SEMA3D: variants seen among roughly 807,000 people sequenced by gnomAD.
SEMA3D encodes semaphorin 3D, also known as semaphorin-3D.
Under a neutral mutation model 100.1 loss-of-function variants are expected in SEMA3D, and 84 were observed. The ratio of observed to expected loss-of-function variants is 0.84; its 90% CI spans 0.70 to 1.01. The LOEUF (loss-of-function observed/expected upper bound fraction) is 1.01. Ranked by LOEUF, SEMA3D falls within the 50% of genes least tolerant of loss-of-function variation. The pLI is 0.00. For synonymous variants in SEMA3D, 312 were observed against 320.7 expected (o/e 0.97, Z 0.29); for missense variants, 875 against 934.1 (o/e 0.94, Z 0.82).
chr7:85,085,698 C>T (rs996772380), intron 4 of SEMA3D, among the ~76,000 whole-genome samples: 1 of 152,122 alleles, frequency 6.6e-6, no homozygotes, highest in South Asian at 2.1e-4. Flanking sequence ...TACTGGCAGT[C>T]TCTACTTTTG....
At chr7:85,175,734 GCT>G (rs1791205952) in intron 1 of SEMA3D, among the ~76,000 whole-genome samples, 2 of 151,868 alleles carry the variant, frequency 1.3e-5, no homozygotes, top group Admixed American at 6.6e-5. Context: ...GAATAATCTG[GCT>G]ACTTTTATAA....
At chr7:85,089,344 A>G (rs557043249) in intron 4 of SEMA3D, among the ~76,000 whole-genome samples, 170 of 152,228 alleles carry the variant, frequency 1.1e-3, no homozygotes, top group Non-Finnish European at 1.5e-4. Context: ...AATACCTGTC[A>G]ATTTTATTAT....
chr7:85,137,149 C>T (rs192164010), intron 2 of SEMA3D, among the ~76,000 whole-genome samples: 38 of 151,950 alleles, frequency 2.5e-4, no homozygotes, highest in Non-Finnish European at 4.0e-4. Context: ...ATCTTATTTA[C>T]AGCAGAGTCA....
chr7:85,037,805 T>G (rs913584329), intron 11 of SEMA3D, among the ~76,000 whole-genome samples: 1 of 152,144 alleles, frequency 6.6e-6, no homozygotes, highest in Non-Finnish European at 1.5e-5. Context: ...CAGATGTCTT[T>G]TTTTGCTTTA....
chr7:85,172,011 GAC>G (rs1791097603), intron 1 of SEMA3D, among the ~76,000 whole-genome samples: 1 of 151,432 alleles, frequency 6.6e-6, no homozygotes, highest in South Asian at 2.1e-4. Flanking sequence ...TATAGAGAGA[GAC>G]ACACATACAT....
At chr7:85,143,847 A>C (rs1456412536) in intron 2 of SEMA3D, among the ~76,000 whole-genome samples, 1 of 151,620 alleles carries the variant, frequency 6.6e-6, no homozygotes, top group Non-Finnish European at 1.5e-5. Flanking sequence ...AGTAGCTGGG[A>C]CCACAGGCAT....
chr7:85,006,725 C>A lies in SEMA3D; in HGVS notation c.1908+77G>T, dbSNP rs1405470771. 5.1e-6 allele frequency: 6 copies of A among 1,186,994 alleles called. No individual in the cohort carries two copies. The East Asian group carries it at 1.5e-4, about 30-fold the overall frequency. 73.5% of individuals were successfully genotyped at this position (1,186,994 alleles called of 1,614,324 possible). A position where few individuals can be genotyped will look rare whatever the true frequency, so the allele number is the denominator to read the frequency against. ...ATCAAATAATGATGAGAGTAGCATA[C>A]AGAATTAAAAGTTGAACATCTCTCA... On this transcript the variant is annotated intron_variant, in intron 18 of 18. Transcript: ENST00000284136.
chr7:85,112,257 T>G (rs542531332), intron 3 of SEMA3D, among the ~76,000 whole-genome samples: 177 of 152,268 alleles, frequency 1.2e-3, no homozygotes, highest in African/African-American at 4.0e-3. Flanking sequence ...GAAAAAGATA[T>G]AGCCTTACTT....
intron 9 of SEMA3D, among the ~76,000 whole-genome samples, chr7:85,049,723 C>T (rs1791107805): frequency 6.6e-6 from 1 of 151,734 alleles, no homozygotes; most frequent in South Asian, 2.1e-4. Context: ...AAACACAAAT[C>T]TTCAAAGGCA....
intron 3 of SEMA3D, among the ~76,000 whole-genome samples, chr7:85,110,005 T>C (rs1405490121): frequency 6.6e-6 from 1 of 151,982 alleles, no homozygotes; most frequent in East Asian, 1.9e-4. Context: ...TCTAAAATTA[T>C]TTCCACATTT....
intron 1 of SEMA3D, among the ~76,000 whole-genome samples, chr7:85,180,664 C>T (rs908540861): frequency 2.0e-5 from 3 of 152,134 alleles, no homozygotes; most frequent in Non-Finnish European, 1.5e-5. Context: ...ACATTTTTTA[C>T]AATTAATGAA....
chr7:85,053,377 T>G (rs1791220604), intron 9 of SEMA3D, among the ~76,000 whole-genome samples: 2 of 151,986 alleles, frequency 1.3e-5, no homozygotes, highest in South Asian at 4.1e-4. Context: ...AAAACAGTAT[T>G]ATAATGACGC....
intron 12 of SEMA3D, chr7:85,028,496 A>G (rs991404899): frequency 1.4e-5 from 5 of 356,818 alleles, no homozygotes; most frequent in African/African-American, 1.1e-4. Flanking sequence ...GGTGAAATCT[A>G]CAGCCAGAGA....
At chr7:85,190,356 A>G (rs1301744569), upstream of SEMA3D, among the ~76,000 whole-genome samples, 1 of 152,056 alleles carries the variant, frequency 6.6e-6, no homozygotes, top group Non-Finnish European at 1.5e-5. Flanking sequence ...AATAAATATC[A>G]CCTTATAAAC....
intron 9 of SEMA3D, among the ~76,000 whole-genome samples, chr7:85,046,189 A>G (rs1196426672): frequency 6.6e-6 from 1 of 152,010 alleles, no homozygotes; most frequent in Non-Finnish European, 1.5e-5. Context: ...TACAGTATTC[A>G]TAAAAATGAG....
At chr7:85,236,622 A>G in the SEMA3D span, among the ~76,000 whole-genome samples, 1 of 152,070 alleles carries the variant, frequency 6.6e-6, no homozygotes, top group African/African-American at 2.4e-5. Flanking sequence ...TTAATTTTTA[A>G]TGCTTTGTTT....
chr7:85,104,440 G>T (rs971684977), intron 3 of SEMA3D, among the ~76,000 whole-genome samples: 1 of 151,994 alleles, frequency 6.6e-6, no homozygotes, highest in Non-Finnish European at 1.5e-5. Context: ...CTATTTAAGG[G>T]GAAGGATAAG....
the SEMA3D span, among the ~76,000 whole-genome samples, chr7:85,200,284 C>G: frequency 6.6e-6 from 1 of 152,184 alleles, no homozygotes; most frequent in Non-Finnish European, 1.5e-5. Context: ...AAGTTTGGAA[C>G]TTCCTAGAGA....
intron 15 of SEMA3D, among the ~76,000 whole-genome samples, chr7:85,017,735 C>T (rs1790144196): frequency 6.6e-6 from 1 of 151,800 alleles, no homozygotes; most frequent in Non-Finnish European, 1.5e-5. Flanking sequence ...TATGTGCCTG[C>T]TCTCTGTTTA....
Sources: gnomAD v4.1 joint callset for allele counts (sites outside exome capture counted in the v4.1 genomes callset) on GRCh38, gnomAD v4.1.1 for gene constraint, MANE v1.5 for transcripts, NCBI Gene and HGNC (gene_info 2026-07-23, HGNC 2026-07-21) for gene names.